Variants in SPTLC2 observed in about 807,000 individuals in gnomAD.
SPTLC2 encodes serine palmitoyltransferase 2.
SPTLC2 carries 21 observed loss-of-function variants against 62.0 expected under a neutral mutation model. The observed-to-expected ratio is 0.34, with a 90% CI of 0.24 to 0.49. The LOEUF is 0.49. Among genes scored for constraint, SPTLC2 ranks in the 20% least tolerant of loss-of-function variants. SPTLC2 has a pLI of 0.99. For missense variants in SPTLC2, 511 were observed against 713.0 expected (o/e 0.72, Z 3.23); for synonymous variants, 261 against 261.8 (o/e 1.00, Z 0.03).
At chr14:77,602,755 G>A (rs561245395) in intron 1 of SPTLC2, among the ~76,000 whole-genome samples, 2 of 152,088 alleles carry the variant, frequency 1.3e-5, no homozygotes, top group African/African-American at 4.8e-5. Flanking sequence ...CTGATTTATT[G>A]TAGAGATGGG....
At chr14:77,529,024 G>C (rs772515624) in intron 9 of SPTLC2, among the ~76,000 whole-genome samples, 1 of 152,052 alleles carries the variant, frequency 6.6e-6, no homozygotes, top group Non-Finnish European at 1.5e-5. Flanking sequence ...TTTTAGTAGA[G>C]ACAGGGTTTC....
chr14:77,573,524 T>C (rs1027463393), intron 4 of SPTLC2, among the ~76,000 whole-genome samples: 1 of 151,432 alleles, frequency 6.6e-6, no homozygotes, highest in Non-Finnish European at 1.5e-5. Context: ...AATAAATAAA[T>C]AAATAAATAA....
At chr14:77,555,151 A>T (rs912798745) in intron 8 of SPTLC2, 149 bp downstream of exon 8, 1 of 810,010 alleles carries the variant, frequency 1.2e-6, no homozygotes, top group East Asian at 2.5e-5. Context: ...CAGTGAGGAG[A>T]CATTAGAGTC....
chr14:77,562,671 C>T (rs1389997758), intron 5 of SPTLC2, among the ~76,000 whole-genome samples, 182 bp from the exon 6 acceptor site: 2 of 152,278 alleles, frequency 1.3e-5, no homozygotes, highest in Non-Finnish European at 2.9e-5. Flanking sequence ...TGTAAAGACA[C>T]CTTAAAAGTA....
intron 2 of SPTLC2, among the ~76,000 whole-genome samples, chr14:77,593,914 GGAAT>G (rs957040803): frequency 6.6e-6 from 1 of 152,160 alleles, no homozygotes; most frequent in Non-Finnish European, 1.5e-5. Context: ...TCACAGGAAA[GGAAT>G]GACTTTTCCT....
At chr14:77,538,364 A>C (rs1402342859) in intron 9 of SPTLC2, among the ~76,000 whole-genome samples, 1 of 152,212 alleles carries the variant, frequency 6.6e-6, no homozygotes, top group South Asian at 2.1e-4. Flanking sequence ...TCCTGTCTCT[A>C]CCTGAGCTAA....
At chr14:77,615,306 C>T (rs369987236) in intron 1 of SPTLC2, among the ~76,000 whole-genome samples, 6 of 152,218 alleles carry the variant, frequency 3.9e-5, no homozygotes, top group African/African-American at 1.4e-4. Context: ...CTCAATATCT[C>T]AACATGACCT....
At chr14:77,606,937 C>T (rs2079908511) in intron 1 of SPTLC2, among the ~76,000 whole-genome samples, 1 of 150,862 alleles carries the variant, frequency 6.6e-6, no homozygotes, top group Admixed American at 6.6e-5. Context: ...TGCAGTGAGC[C>T]ATGATGGCGC....
At chr14:77,565,699 G>C (rs879520097) in intron 5 of SPTLC2, among the ~76,000 whole-genome samples, 2 of 152,346 alleles carry the variant, frequency 1.3e-5, no homozygotes, top group South Asian at 2.1e-4. Flanking sequence ...AGACTGAGGA[G>C]CTACAACAGC....
intron 1 of SPTLC2, among the ~76,000 whole-genome samples, chr14:77,612,560 T>A (rs1474273336): frequency 1.3e-5 from 2 of 152,248 alleles, no homozygotes; most frequent in Admixed American, 1.3e-4. Context: ...AGGTATCTTA[T>A]CAGGATCTGC....
intron 2 of SPTLC2, among the ~76,000 whole-genome samples, chr14:77,579,551 C>A (rs887467651): frequency 2.6e-5 from 4 of 152,092 alleles, no homozygotes; most frequent in African/African-American, 9.7e-5. Flanking sequence ...GAGTTCGGGA[C>A]AAGCCTGGGC....
chr14:77,549,878 G>A (rs2079547200), intron 9 of SPTLC2, among the ~76,000 whole-genome samples: 1 of 152,196 alleles, frequency 6.6e-6, no homozygotes, highest in Non-Finnish European at 1.5e-5. Flanking sequence ...TCCATGTTCT[G>A]GAACAGGGCA....
intron 2 of SPTLC2, among the ~76,000 whole-genome samples, chr14:77,589,590 G>T (rs2079803728): frequency 6.6e-6 from 1 of 151,534 alleles, no homozygotes; most frequent in African/African-American, 2.4e-5. Context: ...AGGAGTTCAA[G>T]ACCAGCCTGG....
chr14:77,573,456 G>A (rs914801329), intron 4 of SPTLC2, among the ~76,000 whole-genome samples: 1 of 151,074 alleles, frequency 6.6e-6, no homozygotes, highest in Non-Finnish European at 1.5e-5. Flanking sequence ...CCACACAAAT[G>A]TACAAATGTT....
chr14:77,546,191 T>C (rs2140012676), intron 9 of SPTLC2, among the ~76,000 whole-genome samples: 1 of 152,332 alleles, frequency 6.6e-6, no homozygotes, highest in East Asian at 1.9e-4. Flanking sequence ...GGAGACAAGA[T>C]ATTGAGAAAA....
At chr14:77,599,465 C>CCG (rs1486221532) in intron 1 of SPTLC2, among the ~76,000 whole-genome samples, 3 of 152,084 alleles carry the variant, frequency 2.0e-5, no homozygotes, top group African/African-American at 7.2e-5. Flanking sequence ...TATCCTATCC[C>CCG]CGTAATGTTA....
intron 2 of SPTLC2, among the ~76,000 whole-genome samples, chr14:77,582,558 T>C (rs1189492169): frequency 6.6e-6 from 1 of 152,138 alleles, no homozygotes; most frequent in African/African-American, 2.4e-5. Context: ...GAAAAAAGAC[T>C]GCAGGCCAGA....
intron 1 of SPTLC2, among the ~76,000 whole-genome samples, chr14:77,604,508 A>G (rs1218498935): frequency 1.3e-5 from 2 of 152,160 alleles, no homozygotes; most frequent in African/African-American, 4.8e-5. Context: ...TCTTTTCTAT[A>G]TTTTTATTGG....
intron 6 of SPTLC2, among the ~76,000 whole-genome samples, chr14:77,558,583 A>G (rs6574383): frequency 0.77 from 116,210 of 151,602 alleles, 45,443 homozygotes; most frequent in East Asian, 0.99. Flanking sequence ...GATGTTCCCT[A>G]CAGAAGTAAA....
Sources: gnomAD v4.1 joint callset for allele counts (sites outside exome capture counted in the v4.1 genomes callset) on GRCh38, gnomAD v4.1.1 for gene constraint, MANE v1.5 for transcripts, NCBI Gene and HGNC (gene_info 2026-07-23, HGNC 2026-07-21) for gene names.